The following USP38 variants were observed in gnomAD, a reference collection of about 807,000 sequenced individuals.
The protein encoded by USP38 is ubiquitin carboxyl-terminal hydrolase 38.
In USP38, 49 loss-of-function variants were observed where a neutral mutation model predicts 94.3. That is an observed-to-expected ratio of 0.52 (90% CI 0.41 to 0.66). USP38 has a LOEUF of 0.66. Among genes scored for constraint, USP38 ranks in the 30% least tolerant of loss-of-function variants. The pLI, the probability that USP38 is intolerant of heterozygous loss-of-function variation, is 0.00. For missense variants in USP38, 1,128 were observed against 1,229.4 expected, an observed-to-expected ratio of 0.92 and a Z score of 1.23; for synonymous variants, 468 against 463.6, an observed-to-expected ratio of 1.01 and a Z score of -0.12.
Position 143,214,765 on chromosome 4 carries a change from A to G in USP38, c.2789A>G (p.Gln930Arg). The G allele has an allele frequency of 6.2e-7, 1 of 1,613,792 alleles. No homozygotes were observed. The highest frequency in any genetic ancestry group is 8.5e-7 in the Non-Finnish European group (1 of 1,179,816). ...RVTFTSFQSVQKITSRFPKDT... is the reference protein window; with the variant it reads ...RVTFTSFQSVRKITSRFPKDT... ...ACATTTACTTCATTTCAGTCAGTCC[A>G]GAAAATTACGAGCAGGTTTCCAAAG... Residue 930 changes from glutamine to arginine, a missense_variant, in exon 9 of 10, where the codon CAG becomes CGG. Gln to Arg is a conservative substitution (Grantham distance 43). Transcript: ENST00000307017.
intron 6 of USP38, among the ~76,000 whole-genome samples, chr4:143,207,027 T>C (rs1731887090): frequency 6.6e-6 from 1 of 152,220 alleles, no homozygotes; most frequent in East Asian, 1.9e-4. Flanking sequence ...CATTTTCTTT[T>C]GCACCTAAGC....
At position 143,187,891 on chromosome 4, in the gene USP38, A is replaced by G. The variant is rs1443472961; in HGVS notation, c.748A>G (p.Thr250Ala). 6.2e-7 allele frequency: 1 copy of G among 1,613,750 alleles called. No individual in the cohort carries two copies. The highest frequency in any genetic ancestry group is 1.3e-5 in the African/African-American group (1 of 74,926). ...LVQHIPLQMI[T>A]VLIRSLTTDP... ...GCAGCATATTCCTCTTCAGATGATT[A>G]CAGTTCTCATCAGGAGCCTTACTAC... Residue 250 changes from threonine (T) to alanine (A), a missense_variant, in exon 2 of 10, where the codon ACA becomes GCA. Thr to Ala is a moderately conservative substitution (Grantham distance 58). Coordinates refer to ENST00000307017, the MANE Select transcript of USP38 (RefSeq NM_032557.6).
chr4:143,216,362 A>T (rs1732181489), intron 9 of USP38, among the ~76,000 whole-genome samples: 1 of 152,198 alleles, frequency 6.6e-6, no homozygotes, highest in Non-Finnish European at 1.5e-5. Context: ...TTGATGCAAG[A>T]AAAGATACCA....
chr4:143,220,266 A>G lies in USP38; in HGVS notation c.2968-29A>G, dbSNP rs1220713994. On this transcript the variant is annotated intron_variant, in intron 9 of 9. Transcript: ENST00000307017. ...AACGATCCATTGTATTTAGCATTTT[A>G]ATTTCATAAAAGTTATTTTTAATTT... 3.1e-6 allele frequency: 5 copies of G among 1,591,768 alleles called. No homozygotes were observed. In the African/African-American group the frequency reaches 6.8e-5, roughly 22 times the overall value.
chr4:143,203,642 T>C, intron 5 of USP38, 76 bp downstream of exon 5: 1 of 1,441,388 alleles, frequency 6.9e-7, no homozygotes, highest in Non-Finnish European at 9.4e-7. Context: ...AACCAGCTAC[T>C]CAATTTACTA....
At chr4:143,188,920 C>G (rs1731310724) in intron 2 of USP38, among the ~76,000 whole-genome samples, 1 of 151,792 alleles carries the variant, frequency 6.6e-6, no homozygotes, top group Admixed American at 6.6e-5. Flanking sequence ...CTTTTCTTGC[C>G]TTAGTGGTAT....
chr4:143,185,924 C>T lies in USP38; in HGVS notation c.474C>T (p.Ile158=). ...TTCTGACCGACTTTGTGCAATGCATCCCCAAGGGGAAATTGTCCATCACGT... is the reference window on the plus strand; with the variant it reads ...TTCTGACCGACTTTGTGCAATGCATTCCCAAGGGGAAATTGTCCATCACGT... ...SDLLTDFVQC[I]PKGKLSITFC... is the part of the protein sequence containing the mutation. The change falls in exon 1 of 10, where the codon ATC becomes ATT. Residue 158 remains isoleucine, a synonymous_variant. Coordinates refer to ENST00000307017, the MANE Select transcript of USP38 (RefSeq NM_032557.6). 1 of 1,614,220 alleles carries T rather than the reference C, an allele frequency of 6.2e-7. No individual in the cohort carries two copies.
chr4:143,195,193 G>A (rs978210074), intron 2 of USP38, among the ~76,000 whole-genome samples: 1 of 152,134 alleles, frequency 6.6e-6, no homozygotes, highest in Non-Finnish European at 1.5e-5. Flanking sequence ...TCTTTTTAGA[G>A]TAAATTTGCC....
intron 5 of USP38, among the ~76,000 whole-genome samples, chr4:143,205,509 A>G (rs1262575115): frequency 6.6e-6 from 1 of 152,196 alleles, no homozygotes; most frequent in African/African-American, 2.4e-5. Flanking sequence ...CTTAAAGGTC[A>G]TTGTGCATAG....
intron 9 of USP38, among the ~76,000 whole-genome samples, chr4:143,219,933 A>G (rs1355983253): frequency 6.6e-6 from 1 of 152,104 alleles, no homozygotes; most frequent in African/African-American, 2.4e-5. Flanking sequence ...TTATTGAGAA[A>G]TAGTCTATGG....
chr4:143,207,545 AAG>A (rs1378707636), intron 6 of USP38, among the ~76,000 whole-genome samples: 1 of 152,182 alleles, frequency 6.6e-6, no homozygotes, highest in Non-Finnish European at 1.5e-5. Context: ...CTAAAAAAGA[AAG>A]AAAGAGAGAG....
At chr4:143,195,925 A>G in intron 3 of USP38, 80 bp downstream of exon 3, 1 of 1,302,442 alleles carries the variant, frequency 7.7e-7, no homozygotes, top group Non-Finnish European at 1.0e-6. Context: ...TATCCTTGAA[A>G]GCATCTAATT....
At chr4:143,198,371 T>C (rs1296002012) in intron 4 of USP38, among the ~76,000 whole-genome samples, 1 of 152,248 alleles carries the variant, frequency 6.6e-6, no homozygotes, top group East Asian at 1.9e-4. Flanking sequence ...TTAAGCCAGC[T>C]GAATCATTGG....
intron 2 of USP38, among the ~76,000 whole-genome samples, chr4:143,193,761 A>G (rs1731466296): frequency 6.6e-6 from 1 of 152,270 alleles, no homozygotes; most frequent in Non-Finnish European, 1.5e-5. Flanking sequence ...ATATAACACA[A>G]CTGTTGTGAA....
rs751367037 is a variant in USP38 at position 143,215,018 on chromosome 4, GA to G, written c.2967+78del. On this transcript the variant is annotated intron_variant, in intron 9 of 9. Coordinates refer to ENST00000307017, the MANE Select transcript of USP38 (RefSeq NM_032557.6). ...ACAGTTAAATGAGTACCCTCATTTTGAAATCTAACATGAGTTTTTATTAAAT... is the reference window on the plus strand; with the variant it reads ...ACAGTTAAATGAGTACCCTCATTTTGAATCTAACATGAGTTTTTATTAAAT... The G allele has an allele frequency of 2.0e-5, 28 of 1,368,284 alleles. No homozygotes were observed. The African/African-American group carries it at 3.5e-4, about 17-fold the overall frequency. The allele number at this position is 1,368,284 out of a possible 1,614,324, so 84.8% of individuals were successfully genotyped here.
intron 2 of USP38, among the ~76,000 whole-genome samples, chr4:143,192,997 C>T (rs1289800123): frequency 6.6e-6 from 1 of 152,180 alleles, no homozygotes; most frequent in Non-Finnish European, 1.5e-5. Flanking sequence ...CGTCCTCTCT[C>T]AGTACTCTCT....
intron 3 of USP38, 96 bp downstream of exon 3, chr4:143,195,941 T>C: frequency 8.5e-7 from 1 of 1,173,034 alleles, no homozygotes; most frequent in Non-Finnish European, 1.1e-6. Flanking sequence ...TAATTTTGAA[T>C]ATGTTATTGT....
At chr4:143,187,777 A>G in intron 1 of USP38, 49 bp from the exon 2 acceptor site, 1 of 1,554,068 alleles carries the variant, frequency 6.4e-7, no homozygotes, top group Non-Finnish European at 8.7e-7. Flanking sequence ...CTTTTTAAAT[A>G]CTTGAACCTA....
In USP38 at chr4:143,222,406, G is replaced by C. The variant is rs1732347266; in HGVS notation, c.*1950G>C. On this transcript the variant is annotated 3_prime_UTR_variant, in exon 10 of 10. Coordinates refer to ENST00000307017, the MANE Select transcript of USP38 (RefSeq NM_032557.6). ...ATAGCACAGTATTTGCATATAACCT[G>C]TGCACATCCTCCCATATACTTTAAT... 6.6e-6 allele frequency: 1 copy of C among 151,956 alleles called. No homozygotes were observed. Among genetic ancestry groups the C allele is most frequent in the Non-Finnish European group, 1.5e-5 (1 of 67,938 alleles). 9.4% of individuals were successfully genotyped at this position (151,956 alleles called of 1,614,324 possible).
Sources: gnomAD v4.1 joint callset for allele counts (sites outside exome capture counted in the v4.1 genomes callset) on GRCh38, gnomAD v4.1.1 for gene constraint, MANE v1.5 for transcripts, NCBI Gene and HGNC (gene_info 2026-07-23, HGNC 2026-07-21) for gene names.